FOXO3: variants seen among roughly 807,000 people sequenced by gnomAD.
FOXO3 encodes the protein forkhead box O3, also known as forkhead box protein O3.
In FOXO3, 4 loss-of-function variants were observed where a neutral mutation model predicts 41.9. The observed-to-expected ratio is 0.10, with a 90% CI of 0.05 to 0.22. The LOEUF is 0.22. FOXO3 is among the 10% of genes least tolerant of loss of function. The pLI, the probability that FOXO3 is intolerant of heterozygous loss-of-function variation, is 1.00. For synonymous variants in FOXO3, 318 were observed against 389.3 expected (o/e 0.82, Z 2.16); for missense variants, 534 against 906.8 (o/e 0.59, Z 5.28).
At chr6:108,624,778 A>AT (rs538678670) in intron 1 of FOXO3, among the ~76,000 whole-genome samples, 1 of 151,772 alleles carries the variant, frequency 6.6e-6, no homozygotes, top group African/African-American at 2.4e-5. Context: ...ATACATATAA[A>AT]TTTTTTTTGC....
At chr6:108,659,066 G>A (rs1778771038) in intron 1 of FOXO3, among the ~76,000 whole-genome samples, 1 of 151,854 alleles carries the variant, frequency 6.6e-6, no homozygotes, top group East Asian at 1.9e-4. Flanking sequence ...TGTATTTTTT[G>A]TAGAGACAGG....
chr6:108,639,305 A>G (rs932346975), intron 1 of FOXO3, among the ~76,000 whole-genome samples: 66 of 152,164 alleles, frequency 4.3e-4, no homozygotes, highest in African/African-American at 1.6e-3. Flanking sequence ...TGAAACAAGA[A>G]CTCCACTAGC....
At chr6:108,642,173 C>T (rs934360192) in intron 1 of FOXO3, among the ~76,000 whole-genome samples, 1 of 151,330 alleles carries the variant, frequency 6.6e-6, no homozygotes, top group Non-Finnish European at 1.5e-5. Context: ...GTTGCAACCT[C>T]CCGTTCCCAG....
chr6:108,581,877 C>G (rs1390993228), intron 1 of FOXO3, among the ~76,000 whole-genome samples: 2 of 152,258 alleles, frequency 1.3e-5, no homozygotes, highest in East Asian at 3.9e-4. Context: ...GAAAAATGAT[C>G]TGTGGCTCGC....
chr6:108,669,611 G>A (rs1254494720), intron 2 of FOXO3, among the ~76,000 whole-genome samples: 2 of 152,148 alleles, frequency 1.3e-5, no homozygotes, highest in African/African-American at 2.4e-5. Context: ...CCGAAAGTCT[G>A]AACTGTCATT....
At chr6:108,634,228 T>G (rs1778052878) in intron 1 of FOXO3, among the ~76,000 whole-genome samples, 1 of 152,220 alleles carries the variant, frequency 6.6e-6, no homozygotes, top group African/African-American at 2.4e-5. Context: ...CAGCAACTGC[T>G]GACGTGTGTG....
intron 1 of FOXO3, among the ~76,000 whole-genome samples, chr6:108,602,750 G>A (rs1242858000): frequency 6.6e-6 from 1 of 152,134 alleles, no homozygotes; most frequent in Admixed American, 6.5e-5. Flanking sequence ...AAGCAATATA[G>A]ATGATTGTGT....
chr6:108,635,625 G>C (rs1778100840), intron 1 of FOXO3, among the ~76,000 whole-genome samples: 1 of 152,168 alleles, frequency 6.6e-6, no homozygotes, highest in Non-Finnish European at 1.5e-5. Flanking sequence ...GGTGCTGGGA[G>C]GTGCCTTGCC....
intron 2 of FOXO3, among the ~76,000 whole-genome samples, chr6:108,677,992 A>G (rs1935950): frequency 0.98 from 149,003 of 152,270 alleles, 72,977 homozygotes; most frequent in East Asian, 1. Context: ...AAGAAGAAAG[A>G]GGCTTCTTTT....
At chr6:108,593,939 G>C (rs1776803691) in intron 1 of FOXO3, among the ~76,000 whole-genome samples, 1 of 150,826 alleles carries the variant, frequency 6.6e-6, no homozygotes, top group African/African-American at 2.4e-5. Context: ...GGTTGGTCTT[G>C]AACGCCTGAC....
intron 1 of FOXO3, among the ~76,000 whole-genome samples, chr6:108,620,055 T>G (rs1777624240): frequency 6.6e-6 from 1 of 152,220 alleles, no homozygotes. Context: ...AGATCCATTC[T>G]TAGTGCAGAA....
At chr6:108,567,021 A>T (rs1458717589) in intron 1 of FOXO3, among the ~76,000 whole-genome samples, 1 of 152,250 alleles carries the variant, frequency 6.6e-6, no homozygotes, top group Non-Finnish European at 1.5e-5. Flanking sequence ...GTGGTAGCAG[A>T]AGGCAGATAA....
chr6:108,571,499 C>A (rs370458019), intron 1 of FOXO3, among the ~76,000 whole-genome samples: 1 of 152,240 alleles, frequency 6.6e-6, no homozygotes, highest in South Asian at 2.1e-4. Flanking sequence ...GAAGTCATAT[C>A]GGCTTAGGGT....
chr6:108,560,957 GTCC>G lies in FOXO3; in HGVS notation c.-247_-245del. 1 of 1,323,914 alleles carries G rather than the reference GTCC, an allele frequency of 7.6e-7. No homozygotes were observed. Among genetic ancestry groups the G allele is most frequent in the Non-Finnish European group, 9.6e-7 (1 of 1,043,868 alleles). 82.0% of individuals were successfully genotyped at this position (1,323,914 alleles called of 1,614,324 possible). ...AGGTTCGCTGGCCGCACGTCTTCAGGTCCTCCTGTTCCTGGGAGGCGGGCGCGG... is the reference window on the plus strand; with the variant it reads ...AGGTTCGCTGGCCGCACGTCTTCAGGTCCTGTTCCTGGGAGGCGGGCGCGG... On this transcript the variant is annotated 5_prime_UTR_variant, in exon 1 of 3. Coordinates refer to ENST00000406360, the MANE Select transcript of FOXO3 (RefSeq NM_001455.4).
In FOXO3 at chr6:108,561,564, T is replaced by A. The variant is rs944210246; in HGVS notation, c.356T>A (p.Leu119Gln). The stretch of plus-strand genomic sequence containing the variant: ...GGGCCAGCCACCGCGGCGGGCGGGC[T>A]GAGCGGGGGTACACAGGCGCTGCTG... Reference protein sequence around the residue: ...GSGPATAAGGLSGGTQALLQP... With the variant: ...GSGPATAAGGQSGGTQALLQP... Residue 119 changes from leucine (L) to glutamine (Q), a missense_variant, in exon 1 of 3, where the codon CTG (leucine) becomes CAG (glutamine). Physicochemically the swap from Leu to Gln is moderately radical, Grantham distance 113 (BLOSUM62 -2). Around this residue, in one of 8 missense-constraint regions of FOXO3, gnomAD observed 139 missense variants for 163.7 expected, o/e 0.85. Transcript: ENST00000406360. 32 of 1,438,142 alleles carry A rather than the reference T, an allele frequency of 2.2e-5. No homozygotes were observed. The highest frequency in any genetic ancestry group is 2.8e-5 in the Non-Finnish European group (31 of 1,103,848). The allele number at this position is 1,438,142 out of a possible 1,614,324, so 89.1% of individuals were successfully genotyped here.
chr6:108,659,634 A>G (rs1298364676), intron 1 of FOXO3, among the ~76,000 whole-genome samples: 4 of 149,248 alleles, frequency 2.7e-5, no homozygotes, highest in African/African-American at 9.8e-5. Context: ...GTAATCTGGC[A>G]GGCACTGTCA....
intron 2 of FOXO3, among the ~76,000 whole-genome samples, chr6:108,665,219 G>C (rs1341648748): frequency 6.6e-6 from 1 of 152,196 alleles, no homozygotes; most frequent in African/African-American, 2.4e-5. Flanking sequence ...CCTACTTGAT[G>C]GATGGATGAG....
At chr6:108,573,621 A>G (rs1776172462) in intron 1 of FOXO3, among the ~76,000 whole-genome samples, 1 of 151,960 alleles carries the variant, frequency 6.6e-6, no homozygotes, top group Non-Finnish European at 1.5e-5. Flanking sequence ...TGAGGTGAGG[A>G]GTTTGAGACC....
At chr6:108,621,249 G>A (rs945824138) in intron 1 of FOXO3, among the ~76,000 whole-genome samples, 5 of 152,232 alleles carry the variant, frequency 3.3e-5, no homozygotes, top group East Asian at 1.9e-4. Context: ...GAGTGCCCAC[G>A]AGGAACAGCA....
Sources: gnomAD v4.1 joint callset for allele counts (sites outside exome capture counted in the v4.1 genomes callset) on GRCh38, gnomAD v4.1.1 for gene constraint, gnomAD v4.1.1 regional missense constraint, MANE v1.5 for transcripts, NCBI Gene and HGNC (gene_info 2026-07-23, HGNC 2026-07-21) for gene names.